NR5A2: variants seen among roughly 807,000 people sequenced by gnomAD.
NR5A2 encodes the protein nuclear receptor subfamily 5 group A member 2.
In NR5A2, 26 loss-of-function variants were observed where a neutral mutation model predicts 62.7. The observed-to-expected ratio is 0.41, with a 90% CI of 0.30 to 0.58. The LOEUF (loss-of-function observed/expected upper bound fraction) is 0.58, where lower values mean the gene tolerates loss of function less well. Ranked by LOEUF, NR5A2 falls within the 20% of genes least tolerant of loss-of-function variation. NR5A2 has a pLI of 0.22. For missense variants in NR5A2, 541 were observed against 669.1 expected (o/e 0.81, Z 2.11); for synonymous variants, 246 against 241.7 (o/e 1.02, Z -0.16).
chr1:200,123,883 C>A (rs1337150724), intron 7 of NR5A2, among the ~76,000 whole-genome samples: 1 of 151,014 alleles, frequency 6.6e-6, no homozygotes. Context: ...CTCACCACAA[C>A]CTCCGCCTCC....
chr1:200,101,294 G>A (rs969488650), intron 5 of NR5A2, among the ~76,000 whole-genome samples: 6 of 152,076 alleles, frequency 3.9e-5, no homozygotes, highest in Non-Finnish European at 5.9e-5. Flanking sequence ...ACTAATATAT[G>A]TTGTTCGCTT....
chr1:200,129,040 C>T (rs991870827), intron 7 of NR5A2, among the ~76,000 whole-genome samples: 1 of 152,076 alleles, frequency 6.6e-6, no homozygotes. Flanking sequence ...TGCCATTTGT[C>T]CTCTGGCATT....
chr1:200,108,405 C>A (rs1487049203), intron 5 of NR5A2, among the ~76,000 whole-genome samples: 8 of 152,134 alleles, frequency 5.3e-5, no homozygotes, highest in African/African-American at 9.7e-5. Flanking sequence ...TTTCACCCAC[C>A]TTTTCTCCTT....
In NR5A2 at chr1:200,176,453, G is replaced by A. The variant is rs1350782101; in HGVS notation, c.*2243G>A. ...TCGCCGATCAGAGCTCATACCCAAA[G>A]CATTACAGAGAACAGCAGCATCATT... On this transcript the variant is annotated 3_prime_UTR_variant, in exon 8 of 8. Coordinates refer to ENST00000367362, the MANE Select transcript of NR5A2 (RefSeq NM_205860.3). 5 of 152,420 alleles carry A rather than the reference G, an allele frequency of 3.3e-5. No individual in the cohort carries two copies. Among genetic ancestry groups the A allele is most frequent in the African/African-American group, 9.7e-5 (4 of 41,388 alleles). 9.4% of individuals were successfully genotyped at this position (152,420 alleles called of 1,614,324 possible). A position where few individuals can be genotyped will look rare whatever the true frequency, so the allele number is the denominator to read the frequency against.
intron 7 of NR5A2, among the ~76,000 whole-genome samples, chr1:200,142,271 C>G (rs1451439053): frequency 3.6e-5 from 5 of 140,718 alleles, no homozygotes; most frequent in African/African-American, 1.3e-4. Flanking sequence ...ACGATCTCAG[C>G]TCACTGCGAC....
intron 7 of NR5A2, among the ~76,000 whole-genome samples, chr1:200,140,500 A>G (rs890527883): frequency 2.0e-5 from 3 of 152,088 alleles, no homozygotes; most frequent in Admixed American, 6.5e-5. Flanking sequence ...TCTCCTGTTC[A>G]GTTGATTTAG....
rs145399447 is a variant in NR5A2, at chr1:200,147,604, T to G, written c.1379-26359T>G. 5.6e-6 allele frequency: 4 copies of G among 718,462 alleles called. No individual in the cohort carries two copies. Among genetic ancestry groups the G allele is most frequent in the Non-Finnish European group, 7.8e-6 (3 of 385,740 alleles). The allele number at this position is 718,462 out of a possible 1,614,324, so 44.5% of individuals were successfully genotyped here. On this transcript the variant is annotated intron_variant, in intron 7 of 7. Coordinates refer to ENST00000367362, the MANE Select transcript of NR5A2 (RefSeq NM_205860.3). This position sits in a 1 kb window ranked among gnomAD's most constrained non-coding sequence, Gnocchi z 4.9. ...TACACGAACGCTAGGGCAGAGCACA[T>G]TTTCGCACAGGCAGCGCCGCAGCTT...
At chr1:200,058,182 T>C (rs1406557296) in intron 5 of NR5A2, 1 of 152,230 alleles carries the variant, frequency 6.6e-6, no homozygotes, top group Admixed American at 6.5e-5. Flanking sequence ...TCTTTCATTT[T>C]GGGAGCATGG....
intron 5 of NR5A2, among the ~76,000 whole-genome samples, chr1:200,054,362 ATT>A (rs34968538): frequency 6.8e-6 from 1 of 147,244 alleles, no homozygotes; most frequent in African/African-American, 2.5e-5. Flanking sequence ...TTTTTCAGTT[ATT>A]TTTTTTTTCA....
chr1:200,050,481 T>G (rs1444613682), intron 5 of NR5A2, among the ~76,000 whole-genome samples: 1 of 152,226 alleles, frequency 6.6e-6, no homozygotes, highest in Non-Finnish European at 1.5e-5. Flanking sequence ...AGCACAGATG[T>G]AACTACTTAT....
At position 200,136,774 on chromosome 1, in the gene NR5A2, G is replaced by A. The variant is rs185569115; in HGVS notation, c.1378+15819G>A. 2.5e-3 allele frequency among the ~76,000 whole-genome samples: 383 copies of A among 152,184 alleles called. 2 individuals carry two copies. The highest frequency in any genetic ancestry group is 4.2e-3 in the Non-Finnish European group (285 of 68,004). ...TCTAGATCCTACTTGAAAGTACAAG[G>A]GCTGAGTAACAATCCTGCCTTCTTA... On this transcript the variant is annotated intron_variant, in intron 7 of 7. Transcript: ENST00000367362.
At chr1:200,130,321 GA>G (rs869144970) in intron 7 of NR5A2, among the ~76,000 whole-genome samples, 6 of 31,730 alleles carry the variant, frequency 1.9e-4, no homozygotes, top group Non-Finnish European at 5.3e-4. Flanking sequence ...AGAAGAAGAA[GA>G]AAAAAAAAAT....
chr1:200,136,963 ATTTTC>A (rs1667249430), intron 7 of NR5A2, among the ~76,000 whole-genome samples: 1 of 151,544 alleles, frequency 6.6e-6, no homozygotes, highest in Admixed American at 6.6e-5. Flanking sequence ...CTCTAAGCAG[ATTTTC>A]TTTTCTTTAT....
chr1:200,138,422 A>G (rs2816953), intron 7 of NR5A2, among the ~76,000 whole-genome samples: 86,669 of 151,996 alleles, frequency 0.57, 25,287 homozygotes, highest in Middle Eastern at 0.68. Flanking sequence ...GTTTCTTTGA[A>G]GTACCTGTTT....
chr1:200,034,388 G>T (rs554636188), intron 1 of NR5A2, among the ~76,000 whole-genome samples: 1 of 152,222 alleles, frequency 6.6e-6, no homozygotes, highest in Non-Finnish European at 1.5e-5. Flanking sequence ...TCTTAAGACC[G>T]GATCTCCCTG....
chr1:200,115,972 C>T (rs1488137937), intron 6 of NR5A2, among the ~76,000 whole-genome samples: 2 of 151,608 alleles, frequency 1.3e-5, no homozygotes, highest in African/African-American at 4.8e-5. Flanking sequence ...TCAGCCTCAG[C>T]CAGAAGAAAT....
At chr1:200,080,810 G>A (rs555385075) in intron 5 of NR5A2, among the ~76,000 whole-genome samples, 1 of 152,162 alleles carries the variant, frequency 6.6e-6, no homozygotes, top group East Asian at 1.9e-4. Context: ...TTCATTCTTG[G>A]ATGAGAGGCA....
chr1:200,114,271 T>TATAC (rs1247350398), intron 6 of NR5A2, among the ~76,000 whole-genome samples: 1 of 137,974 alleles, frequency 7.2e-6, no homozygotes. Flanking sequence ...TCTACATATA[T>TATAC]ACATATATAT....
rs149575740 is a variant in NR5A2 at position 200,029,167 on chromosome 1, G to A, written c.64+1256G>A. 3.4e-3 allele frequency: 1,358 copies of A among 401,286 alleles called. 18 individuals carry two copies. The highest frequency in any genetic ancestry group is 2.0e-3 in the Non-Finnish European group (406 of 201,532). The allele number at this position is 401,286 out of a possible 1,614,324, so 24.9% of individuals were successfully genotyped here. A position where few individuals can be genotyped will look rare whatever the true frequency, so the allele number is the denominator to read the frequency against. On this transcript the variant is annotated intron_variant, in intron 1 of 7. Transcript: ENST00000367362. ...GGCAGCTCCGCGCAGCTCCGGTTCCGCGTCCGGGGCCGCAGCTAGAGCGCG... is the reference window on the plus strand; with the variant it reads ...GGCAGCTCCGCGCAGCTCCGGTTCCACGTCCGGGGCCGCAGCTAGAGCGCG...
Sources: gnomAD v4.1 joint callset for allele counts (sites outside exome capture counted in the v4.1 genomes callset) on GRCh38, gnomAD v4.1.1 for gene constraint, Gnocchi (gnomAD v3.1) non-coding constraint, MANE v1.5 for transcripts, NCBI Gene and HGNC (gene_info 2026-07-23, HGNC 2026-07-21) for gene names.